SIN3A: variants seen among roughly 807,000 people sequenced by gnomAD.
SIN3A encodes paired amphipathic helix protein Sin3a.
SIN3A carries 14 observed loss-of-function variants against 146.1 expected under a neutral mutation model. That is an observed-to-expected ratio of 0.10 (90% CI 0.06 to 0.15). The LOEUF is 0.15. Among genes scored for constraint, SIN3A ranks in the 10% least tolerant of loss-of-function variants. SIN3A has a pLI of 1.00. For missense variants in SIN3A, 1,028 were observed against 1,576.0 expected, an observed-to-expected ratio of 0.65 and a Z score of 5.89; for synonymous variants, 572 against 572.0, an observed-to-expected ratio of 1.00 and a Z score of 0.00.
At chr15:75,440,874 C>T (rs1039367278) in intron 1 of SIN3A, among the ~76,000 whole-genome samples, 8 of 147,172 alleles carry the variant, frequency 5.4e-5, no homozygotes, top group African/African-American at 1.5e-4. Context: ...CCCAGCTGCT[C>T]GGGAGGCTGA....
chr15:75,432,223 T>G (rs1195086409), intron 1 of SIN3A, among the ~76,000 whole-genome samples: 1 of 152,226 alleles, frequency 6.6e-6, no homozygotes, highest in Non-Finnish European at 1.5e-5. Context: ...ACACTAAACC[T>G]CAGCGTGTTT....
At chr15:75,448,341 T>G (rs1478608809) in intron 1 of SIN3A, among the ~76,000 whole-genome samples, 3 of 151,802 alleles carry the variant, frequency 2.0e-5, no homozygotes, top group African/African-American at 4.8e-5. Context: ...CTACCAAAAG[T>G]ACAAAACTTA....
intron 8 of SIN3A, 55 bp downstream of exon 8, chr15:75,409,781 T>A: frequency 6.4e-7 from 1 of 1,568,292 alleles, no homozygotes; most frequent in Admixed American, 1.8e-5. Flanking sequence ...CTAGAGTACC[T>A]CTCCATTAGA....
At chr15:75,403,116 T>C (rs1051680753) in intron 9 of SIN3A, among the ~76,000 whole-genome samples, 2 of 152,106 alleles carry the variant, frequency 1.3e-5, no homozygotes, top group African/African-American at 4.8e-5. Flanking sequence ...TTTACTATTC[T>C]GTTTATGTAT....
chr15:75,445,963 C>T (rs1221762793), intron 1 of SIN3A, among the ~76,000 whole-genome samples: 1 of 152,072 alleles, frequency 6.6e-6, no homozygotes, highest in Admixed American at 6.6e-5. Context: ...CAGCATACTG[C>T]TTTGTCTTGT....
intron 1 of SIN3A, among the ~76,000 whole-genome samples, chr15:75,444,282 A>C (rs753225683): frequency 6.6e-6 from 1 of 152,110 alleles, no homozygotes; most frequent in African/African-American, 2.4e-5. Context: ...TTCTACTAAA[A>C]ATACAAAAAT....
intron 18 of SIN3A, among the ~76,000 whole-genome samples, chr15:75,381,304 G>A (rs1213030500): frequency 6.6e-6 from 1 of 152,138 alleles, no homozygotes; most frequent in East Asian, 1.9e-4. Context: ...AAAGAATCAA[G>A]ATGACATGAG....
At chr15:75,422,615 T>A in intron 3 of SIN3A, 32 bp downstream of exon 3, 1 of 1,613,416 alleles carries the variant, frequency 6.2e-7, no homozygotes, top group Non-Finnish European at 8.5e-7. Context: ...AAAGATAAAT[T>A]TTTTGACCCA....
rs551543844 is a variant in SIN3A, at chr15:75,428,237, C to A, written c.189+1950G>T. Among the ~76,000 whole-genome samples, 31 of 152,322 alleles carry A rather than the reference C, an allele frequency of 2.0e-4. No individual in the cohort carries two copies. In the South Asian group the frequency reaches 2.5e-3, roughly 12 times the overall value. On this transcript the variant is annotated intron_variant, in intron 2 of 20. Transcript: ENST00000394947. ...AAACTCTTGTATGTCCTCAAACCTG[C>A]TGACTGGTTTCCAACAGGTTAAGGA...
intron 12 of SIN3A, among the ~76,000 whole-genome samples, chr15:75,397,446 G>A (rs1472296759): frequency 6.6e-6 from 1 of 152,120 alleles, no homozygotes; most frequent in Non-Finnish European, 1.5e-5. Context: ...AGCATTTAAA[G>A]GTGTGAGATC....
intron 20 of SIN3A, among the ~76,000 whole-genome samples, chr15:75,374,314 T>C (rs139023751): frequency 0.11 from 16,918 of 152,230 alleles, 1,321 homozygotes; most frequent in Non-Finnish European, 0.17. Context: ...GCCAACATGG[T>C]GAAATCCCAT....
chr15:75,436,183 C>T lies in SIN3A; in HGVS notation c.-33-5775G>A, dbSNP rs908287935. Among the ~76,000 whole-genome samples the T allele has an allele frequency of 5.9e-5, 9 of 151,632 alleles. No homozygotes were observed. The South Asian group carries it at 1.7e-3, about 28-fold the overall frequency. On this transcript the variant is annotated intron_variant, in intron 1 of 20. Coordinates refer to ENST00000394947, the MANE Select transcript of SIN3A (RefSeq NM_001145358.2). ...AAGAAAAAGACAAAGAAAAAACATG[C>T]TAGCCACGCACAATGGCTCACAAAG...
intron 3 of SIN3A, chr15:75,416,106 C>A: frequency 4.6e-6 from 1 of 217,030 alleles, no homozygotes; most frequent in Admixed American, 4.6e-5. Context: ...TTTTGAAATA[C>A]CATTGTTTAA....
At chr15:75,424,817 C>G (rs2073898142) in intron 2 of SIN3A, among the ~76,000 whole-genome samples, 1 of 152,090 alleles carries the variant, frequency 6.6e-6, no homozygotes, top group Non-Finnish European at 1.5e-5. Flanking sequence ...ATGATCATGT[C>G]CAATTGCTCT....
chr15:75,432,934 T>C (rs1472865586), intron 1 of SIN3A, among the ~76,000 whole-genome samples: 2 of 151,892 alleles, frequency 1.3e-5, no homozygotes, highest in Non-Finnish European at 2.9e-5. Context: ...CCCAGCTACT[T>C]GGGACGCTGA....
intron 16 of SIN3A, chr15:75,388,811 G>C (rs1371786908): frequency 6.5e-6 from 1 of 153,182 alleles, no homozygotes; most frequent in Non-Finnish European, 1.5e-5. Flanking sequence ...AGAACAGGAT[G>C]CTGAAAAGGA....
chr15:75,417,429 G>A (rs1236015087), intron 3 of SIN3A, among the ~76,000 whole-genome samples: 3 of 150,406 alleles, frequency 2.0e-5, no homozygotes, highest in South Asian at 4.2e-4. Context: ...AGGCTAGAGT[G>A]CAATGGCGCA....
chr15:75,399,498 A>T (rs2073370549), intron 12 of SIN3A, among the ~76,000 whole-genome samples: 1 of 152,220 alleles, frequency 6.6e-6, no homozygotes, highest in African/African-American at 2.4e-5. Flanking sequence ...ACTGCACTCC[A>T]GCCTGGGAGA....
intron 12 of SIN3A, among the ~76,000 whole-genome samples, chr15:75,399,212 CCT>C (rs905411028): frequency 6.6e-6 from 1 of 150,482 alleles, no homozygotes; most frequent in African/African-American, 2.4e-5. Flanking sequence ...AGAATGAGAC[CCT>C]GTCTCAAAAA....
Sources: gnomAD v4.1 joint callset for allele counts (sites outside exome capture counted in the v4.1 genomes callset) on GRCh38, gnomAD v4.1.1 for gene constraint, MANE v1.5 for transcripts, NCBI Gene and HGNC (gene_info 2026-07-23, HGNC 2026-07-21) for gene names.